The following MPRIP variants were observed in gnomAD, a reference collection of about 807,000 sequenced individuals.
The protein encoded by MPRIP is myosin phosphatase Rho interacting protein, also known as myosin phosphatase Rho-interacting protein.
MPRIP carries 59 observed loss-of-function variants against 234.9 expected under a neutral mutation model. The observed-to-expected ratio is 0.25, with a 90% CI of 0.20 to 0.31. The LOEUF is 0.31. MPRIP is among the 10% of genes least tolerant of loss of function. The pLI, the probability that MPRIP is intolerant of heterozygous loss-of-function variation, is 1.00. For synonymous variants in MPRIP, 1,144 were observed against 1,263.9 expected, an observed-to-expected ratio of 0.91 and a Z score of 2.01; for missense variants, 2,436 against 3,071.0, an observed-to-expected ratio of 0.79 and a Z score of 4.89.
intron 23 of MPRIP, among the ~76,000 whole-genome samples, chr17:17,183,771 G>T (rs1393033905): frequency 6.6e-6 from 1 of 152,206 alleles, no homozygotes; most frequent in Admixed American, 6.5e-5. Context: ...GTGTGCCTGA[G>T]CCTAAGCTGG....
At chr17:17,177,158 C>T in intron 21 of MPRIP, 92 bp from the exon 22 acceptor site, 1 of 1,289,622 alleles carries the variant, frequency 7.8e-7, no homozygotes, top group East Asian at 2.3e-5. Context: ...GCAAGCCTCC[C>T]TACCGTGTTC....
intron 12 of MPRIP, among the ~76,000 whole-genome samples, chr17:17,151,109 G>A (rs936760540): frequency 6.6e-6 from 1 of 151,706 alleles, no homozygotes; most frequent in Non-Finnish European, 1.5e-5. Flanking sequence ...GGGCTCCAGC[G>A]ATCCACTTGC....
At chr17:17,151,185 G>C (rs1396818231) in intron 12 of MPRIP, among the ~76,000 whole-genome samples, 2 of 152,044 alleles carry the variant, frequency 1.3e-5, no homozygotes. Flanking sequence ...CCCCACTTCT[G>C]ACACCAGTTG....
rs2046599403 is a variant in MPRIP at position 17,192,132 on chromosome 17, C to T, written c.*7238C>T. 6.6e-6 allele frequency: 1 copy of T among 152,172 alleles called. No homozygotes were observed. Among genetic ancestry groups the T allele is most frequent in the Non-Finnish European group, 1.5e-5 (1 of 68,038 alleles). 9.4% of individuals were successfully genotyped at this position (152,172 alleles called of 1,614,324 possible). ...GTGAACGGAGTGGAAATGCTTCAGT[C>T]ACCTCTGCCGCAGCTTGTGATTCCA... On this transcript the variant is annotated 3_prime_UTR_variant, in exon 24 of 24. Coordinates refer to ENST00000651222, the MANE Select transcript of MPRIP (RefSeq NM_001364716.4).
In MPRIP at chr17:17,161,382, C is replaced by T. The variant is rs558620035; in HGVS notation, c.2517+26C>T. On this transcript the variant is annotated intron_variant, in intron 15 of 23. Transcript: ENST00000651222. Reference sequence around the variant, plus strand: ...GTAGGGTGGAGGGGCTGCTGTGGCCCATGGTGCGCTCAGGAGCTTCAGTGT... The same window carrying T: ...GTAGGGTGGAGGGGCTGCTGTGGCCTATGGTGCGCTCAGGAGCTTCAGTGT... 8.0e-5 allele frequency: 119 copies of T among 1,492,916 alleles called. 1 individual carries two copies. In the South Asian group the frequency reaches 1.3e-3, roughly 17 times the overall value. 92.5% of individuals were successfully genotyped at this position (1,492,916 alleles called of 1,614,324 possible).
chr17:17,174,710 C>T lies in MPRIP; in HGVS notation c.6751-583C>T, dbSNP rs180924199. On this transcript the variant is annotated intron_variant, in intron 19 of 23. Transcript: ENST00000651222. ...ATTAGCTGGGTGTGGTGGTGGGCGCCTATAGTCCCATCTACTGGGAAGGCT... is the reference window on the plus strand; with the variant it reads ...ATTAGCTGGGTGTGGTGGTGGGCGCTTATAGTCCCATCTACTGGGAAGGCT... Among the ~76,000 whole-genome samples, 801 of 151,704 alleles carry T rather than the reference C, an allele frequency of 5.3e-3. 4 individuals are homozygous for T. The highest frequency in any genetic ancestry group is 0.018 in the African/African-American group (730 of 41,288).
At chr17:17,134,895 A>G (rs1311034683) in intron 5 of MPRIP, among the ~76,000 whole-genome samples, 4 of 152,238 alleles carry the variant, frequency 2.6e-5, no homozygotes, top group African/African-American at 7.2e-5. Context: ...TGCATCTGCA[A>G]GTGTGCGCAC....
chr17:17,136,478 G>A, intron 6 of MPRIP, 28 bp downstream of exon 6: 1 of 1,586,888 alleles, frequency 6.3e-7, no homozygotes, highest in Non-Finnish European at 8.6e-7. Flanking sequence ...TGGCTTGTAT[G>A]CACGGGAATG....
At chr17:17,176,538 C>T (rs904028479) in intron 21 of MPRIP, 26 bp downstream of exon 21, 11 of 1,584,626 alleles carry the variant, frequency 6.9e-6, no homozygotes, top group Middle Eastern at 1.7e-4. Flanking sequence ...CACAGGAGGG[C>T]GGGTACGGGA....
intron 16 of MPRIP, chr17:17,171,516 T>C: frequency 1.7e-6 from 1 of 604,626 alleles, no homozygotes; most frequent in Non-Finnish European, 2.9e-6. Flanking sequence ...AACACCCTTT[T>C]CTGAATGCTC....
chr17:17,130,170 G>A (rs1429475002), intron 4 of MPRIP, among the ~76,000 whole-genome samples: 2 of 152,148 alleles, frequency 1.3e-5, no homozygotes, highest in Non-Finnish European at 2.9e-5. Flanking sequence ...AGCATCACTG[G>A]CTGTGGGCTG....
At position 17,158,421 on chromosome 17, in the gene MPRIP, C is replaced by T. The variant is rs773433782; in HGVS notation, c.1830-11C>T. 6.3e-5 allele frequency: 97 copies of T among 1,543,558 alleles called. No individual in the cohort carries two copies. Among genetic ancestry groups the T allele is most frequent in the Non-Finnish European group, 8.5e-5 (97 of 1,145,562 alleles). The stretch of plus-strand genomic sequence containing the variant: ...CCCCTGACAGGCTATGTCCATCCTC[C>T]TGCCCCACAGCTCGTTGCCAGAGGA... On this transcript the variant is annotated splice_polypyrimidine_tract_variant and intron_variant, in intron 13 of 23. Transcript: ENST00000651222.
At position 17,062,881 on chromosome 17, in the gene MPRIP, A is replaced by C. The variant is rs1433483416; in HGVS notation, c.124-12829A>C. 3.3e-5 allele frequency among the ~76,000 whole-genome samples: 5 copies of C among 152,338 alleles called. No homozygotes were observed. In the East Asian group the frequency reaches 9.6e-4, roughly 29 times the overall value. Reference sequence around the variant, plus strand: ...CTCACTGTATCAGGAGTGTGGAAGCATCGTGGCTCTTGCATGTGGCCGTGT... The same window carrying C: ...CTCACTGTATCAGGAGTGTGGAAGCCTCGTGGCTCTTGCATGTGGCCGTGT... On this transcript the variant is annotated intron_variant, in intron 1 of 23. Coordinates refer to ENST00000651222, the MANE Select transcript of MPRIP (RefSeq NM_001364716.4).
At chr17:17,096,310 TG>T in intron 3 of MPRIP, among the ~76,000 whole-genome samples, 1 of 121,762 alleles carries the variant, frequency 8.2e-6, no homozygotes, top group Non-Finnish European at 1.7e-5. Flanking sequence ...TGTGTGTGTG[TG>T]TGTGTGTGTG....
intron 1 of MPRIP, among the ~76,000 whole-genome samples, chr17:17,065,690 C>T (rs920161284): frequency 6.6e-6 from 1 of 151,764 alleles, no homozygotes; most frequent in African/African-American, 2.4e-5. Flanking sequence ...TAATCTTGTC[C>T]ATATCTATAA....
chr17:17,108,620 C>T lies in MPRIP; in HGVS notation c.268-18082C>T, dbSNP rs567233997. ...AAACCTTCCATTTTAAGCCAGCTGG[C>T]CTTTGTCTCTAGCCTCTAGAGAGGT... On this transcript the variant is annotated intron_variant, in intron 3 of 23. Coordinates refer to ENST00000651222, the MANE Select transcript of MPRIP (RefSeq NM_001364716.4). Among the ~76,000 whole-genome samples the T allele has an allele frequency of 1.2e-4, 18 of 150,686 alleles. No homozygotes were observed. In the South Asian group the frequency reaches 1.2e-3, roughly 10 times the overall value.
intron 12 of MPRIP, among the ~76,000 whole-genome samples, chr17:17,152,418 TC>T: frequency 1.3e-5 from 2 of 152,354 alleles, no homozygotes; most frequent in East Asian, 3.9e-4. Context: ...CACCCACTGA[TC>T]AACCCCTCCT....
chr17:17,067,316 C>G (rs1157648180), intron 1 of MPRIP, among the ~76,000 whole-genome samples: 1 of 152,140 alleles, frequency 6.6e-6, no homozygotes, highest in Non-Finnish European at 1.5e-5. Context: ...CATCACTACT[C>G]TTGTGCTTTG....
chr17:17,110,730 G>A (rs1247650856), intron 3 of MPRIP, among the ~76,000 whole-genome samples: 2 of 152,192 alleles, frequency 1.3e-5, no homozygotes, highest in African/African-American at 4.8e-5. Context: ...CAGTCTAGTC[G>A]TGAGAACAAC....
Sources: allele counts gnomAD v4.1 joint callset (sites outside exome capture counted in the v4.1 genomes callset), GRCh38; gene constraint gnomAD v4.1.1; transcripts MANE v1.5; gene names NCBI Gene and HGNC (gene_info 2026-07-23, HGNC 2026-07-21).